Variants in TINAG observed in about 807,000 individuals in gnomAD.
TINAG encodes tubulointerstitial nephritis antigen.
TINAG carries 83 observed loss-of-function variants against 72.7 expected under a neutral mutation model. The ratio of observed to expected loss-of-function variants is 1.14; its 90% CI spans 0.96 to 1.37. The LOEUF (loss-of-function observed/expected upper bound fraction) is 1.37. Among genes scored for constraint, TINAG ranks in the 40% most tolerant of loss-of-function variants. TINAG has a pLI of 0.00. For synonymous variants in TINAG, 234 were observed against 189.9 expected (o/e 1.23, Z -1.91); for missense variants, 685 against 576.6 (o/e 1.19, Z -1.93).
intron 9 of TINAG, among the ~76,000 whole-genome samples, chr6:54,360,852 T>C (rs1189748955): frequency 9.3e-6 from 1 of 107,186 alleles, no homozygotes; most frequent in African/African-American, 3.7e-5. Context: ...TTTTTTTTTT[T>C]TTTTTTTTTT....
At chr6:54,319,616 A>C (rs747525987) in intron 1 of TINAG, among the ~76,000 whole-genome samples, 1 of 152,192 alleles carries the variant, frequency 6.6e-6, no homozygotes, top group Non-Finnish European at 1.5e-5. Flanking sequence ...TTGGAAAATC[A>C]AACAATGGCT....
At chr6:54,370,656 C>G (rs1222047545) in intron 9 of TINAG, among the ~76,000 whole-genome samples, 4 of 152,162 alleles carry the variant, frequency 2.6e-5, no homozygotes, top group African/African-American at 9.6e-5. Context: ...CAATTAGTCA[C>G]TCAAGGAAGC....
At chr6:54,329,598 T>G (rs1441696750) in intron 4 of TINAG, among the ~76,000 whole-genome samples, 3 of 152,052 alleles carry the variant, frequency 2.0e-5, no homozygotes, top group Non-Finnish European at 4.4e-5. Context: ...CATAATAATG[T>G]CAAGATCAAA....
At chr6:54,335,331 T>A (rs1387972526) in intron 4 of TINAG, among the ~76,000 whole-genome samples, 3 of 152,114 alleles carry the variant, frequency 2.0e-5, no homozygotes, top group East Asian at 3.9e-4. Flanking sequence ...TAATGATGAG[T>A]TGGGAAGAAT....
intron 4 of TINAG, among the ~76,000 whole-genome samples, chr6:54,327,365 C>G (rs1351298010): frequency 6.6e-6 from 1 of 152,134 alleles, no homozygotes; most frequent in Non-Finnish European, 1.5e-5. Flanking sequence ...GAACTCCCTC[C>G]CTTAGTCAAG....
intron 9 of TINAG, among the ~76,000 whole-genome samples, chr6:54,364,979 A>G (rs1763360967): frequency 1.3e-5 from 2 of 151,530 alleles, no homozygotes; most frequent in African/African-American, 4.8e-5. Context: ...TGGGGCCACC[A>G]TTTGTTTTTC....
chr6:54,354,072 G>T (rs574548874), intron 8 of TINAG, among the ~76,000 whole-genome samples: 11 of 151,972 alleles, frequency 7.2e-5, no homozygotes, highest in African/African-American at 2.2e-4. Flanking sequence ...ACAAAAGAAA[G>T]GTTTGTATTT....
chr6:54,377,018 A>G (rs549570248), intron 9 of TINAG, among the ~76,000 whole-genome samples: 87 of 152,262 alleles, frequency 5.7e-4, no homozygotes, highest in South Asian at 1.9e-3. Context: ...ATTCCCAGGT[A>G]TCACTAAATT....
At chr6:54,348,563 G>C (rs1315389999) in intron 6 of TINAG, among the ~76,000 whole-genome samples, 2 of 152,006 alleles carry the variant, frequency 1.3e-5, no homozygotes, top group African/African-American at 2.4e-5. Context: ...CTGGCTTTCA[G>C]ATGGACACCT....
At position 54,355,714 on chromosome 6, in the gene TINAG, CGTGTGT is replaced by C. The variant is rs5876379; in HGVS notation, c.1250+1105_1250+1110del. 1.2e-3 allele frequency among the ~76,000 whole-genome samples: 172 copies of C among 145,196 alleles called. 1 individual carries two copies. The highest frequency in any genetic ancestry group is 3.9e-3 in the African/African-American group (156 of 39,584). ...AATCTACAAATTGGAAAAAATGTAA[CGTGTGT>C]GTGTGTGTGTGTGTGTGTGTGTGTG... is the stretch of plus-strand genomic sequence containing the variant. On this transcript the variant is annotated intron_variant, in intron 9 of 10. Coordinates refer to ENST00000259782, the MANE Select transcript of TINAG (RefSeq NM_014464.4).
At chr6:54,382,477 T>A (rs1317051190) in intron 10 of TINAG, among the ~76,000 whole-genome samples, 1 of 152,112 alleles carries the variant, frequency 6.6e-6, no homozygotes, top group Non-Finnish European at 1.5e-5. Context: ...ATTTTATTTT[T>A]TATAAAACAT....
intron 4 of TINAG, among the ~76,000 whole-genome samples, chr6:54,332,240 A>T (rs998064730): frequency 6.6e-6 from 1 of 152,166 alleles, no homozygotes; most frequent in Non-Finnish European, 1.5e-5. Flanking sequence ...ACTGTAACTA[A>T]AACAGCATGG....
intron 3 of TINAG, among the ~76,000 whole-genome samples, chr6:54,321,862 G>A (rs918888434): frequency 2.6e-5 from 4 of 152,118 alleles, no homozygotes; most frequent in African/African-American, 4.8e-5. Context: ...TGTCACTTAC[G>A]GTTGAATCAA....
At chr6:54,372,725 T>TAC (rs1470181817) in intron 9 of TINAG, among the ~76,000 whole-genome samples, 67 of 78,640 alleles carry the variant, frequency 8.5e-4, no homozygotes, top group Non-Finnish European at 1.4e-3. Flanking sequence ...TATAAATACA[T>TAC]ACATATATAT....
chr6:54,337,881 TG>T (rs1183054951), intron 4 of TINAG, among the ~76,000 whole-genome samples: 1 of 152,100 alleles, frequency 6.6e-6, no homozygotes, highest in African/African-American at 2.4e-5. Flanking sequence ...TGTTTGTATA[TG>T]TTTCCTTCAG....
chr6:54,353,537 A>G (rs1381959568), intron 8 of TINAG, among the ~76,000 whole-genome samples: 2 of 151,908 alleles, frequency 1.3e-5, no homozygotes, highest in Non-Finnish European at 2.9e-5. Flanking sequence ...GTACAGTTAC[A>G]TAAATTCTTA....
rs1323206624 is a variant in TINAG at position 54,389,913 on chromosome 6, T to C, written c.1419T>C (p.Ser473=). ...IIAAWGQLTS[S]DEP ...CAGCTTGGGGCCAACTGACGAGTTC[T>C]GATGAACCATAACATATCATTAAAT... The change falls in exon 11 of 11, where the codon TCT becomes TCC. Residue 473 remains serine, a synonymous_variant. Coordinates refer to ENST00000259782, the MANE Select transcript of TINAG (RefSeq NM_014464.4). 2 of 1,611,500 alleles carry C rather than the reference T, an allele frequency of 1.2e-6. No homozygotes were observed. Among genetic ancestry groups the C allele is most frequent in the Admixed American group, 1.7e-5 (1 of 59,432 alleles).
chr6:54,317,323 C>A (rs1276039783), intron 1 of TINAG, among the ~76,000 whole-genome samples: 1 of 152,072 alleles, frequency 6.6e-6, no homozygotes. Flanking sequence ...ACCCAAATCT[C>A]ATCTTGGATT....
intron 9 of TINAG, among the ~76,000 whole-genome samples, chr6:54,376,213 G>A (rs1763771871): frequency 6.6e-6 from 1 of 152,088 alleles, no homozygotes; most frequent in Admixed American, 6.6e-5. Context: ...TTCAAAACAT[G>A]CTCTTTTTAA....
Sources: allele counts gnomAD v4.1 joint callset (sites outside exome capture counted in the v4.1 genomes callset), GRCh38; gene constraint gnomAD v4.1.1; transcripts MANE v1.5; gene names NCBI Gene and HGNC (gene_info 2026-07-23, HGNC 2026-07-21).